Variants in WSCD1 observed in about 807,000 individuals in gnomAD.
WSCD1 encodes WSC domain sialate O sulfotransferase 1.
In WSCD1, 41 loss-of-function variants were observed where a neutral mutation model predicts 60.4. That is an observed-to-expected ratio of 0.68 (90% CI 0.53 to 0.88). WSCD1 has a LOEUF of 0.88. Ranked by LOEUF, WSCD1 falls within the 40% of genes least tolerant of loss-of-function variation. The probability of loss-of-function intolerance (pLI) is 0.00; values close to 1 mark genes in which losing one functional copy is unlikely to be tolerated. For synonymous variants in WSCD1, 361 were observed against 332.5 expected, an observed-to-expected ratio of 1.09 and a Z score of -0.93; for missense variants, 784 against 796.2, an observed-to-expected ratio of 0.98 and a Z score of 0.18.
intron 1 of WSCD1, among the ~76,000 whole-genome samples, chr17:6,074,514 G>A (rs1419381908): frequency 6.6e-6 from 1 of 152,226 alleles, no homozygotes; most frequent in Non-Finnish European, 1.5e-5. Context: ...TGGAAGGAGA[G>A]GTAGGGACAT....
chr17:6,095,313 TC>T (rs1415078118), intron 5 of WSCD1, 90 bp downstream of exon 5: 5 of 1,458,098 alleles, frequency 3.4e-6, no homozygotes, highest in Non-Finnish European at 4.6e-6. Context: ...GCTGCGGGTG[TC>T]CCCTCTGGCA....
intron 7 of WSCD1, among the ~76,000 whole-genome samples, chr17:6,114,641 A>AAG (rs1567561713): frequency 3.3e-5 from 5 of 152,066 alleles, no homozygotes; most frequent in South Asian, 4.2e-4. Context: ...CTTATCATGC[A>AAG]TCAGTTTAAA....
Position 6,072,722 on chromosome 17 carries a change from T to C in WSCD1, c.-289+2070T>C, listed in dbSNP as rs11656416. On this transcript the variant is annotated intron_variant, in intron 1 of 8. Transcript: ENST00000317744. ...TGAGGGAATGAATGTGGCTTTCCGC[T>C]CACCACCTTCTCCCTGGGCCTCCTG... 3.6e-3 allele frequency among the ~76,000 whole-genome samples: 541 copies of C among 152,352 alleles called. 1 individual carries two copies. The highest frequency in any genetic ancestry group is 6.4e-3 in the Non-Finnish European group (436 of 68,030).
In WSCD1 at chr17:6,120,961, C is replaced by CT. The variant is rs1904657698; in HGVS notation, c.*300_*301insT. 2.3e-6 allele frequency: 1 copy of CT among 431,248 alleles called. No individual in the cohort carries two copies. Among genetic ancestry groups the CT allele is most frequent in the East Asian group, 4.1e-5 (1 of 24,152 alleles). 26.7% of individuals were successfully genotyped at this position (431,248 alleles called of 1,614,324 possible). The stretch of plus-strand genomic sequence containing the variant: ...CCACCCACGTGGGGTGTGCCAGGCA[C>CT]CCCCAGATACAAATGCAGCCACGCA... On this transcript the variant is annotated 3_prime_UTR_variant, in exon 9 of 9. Coordinates refer to ENST00000317744, the MANE Select transcript of WSCD1 (RefSeq NM_015253.2).
At chr17:6,078,122 G>T (rs1908985781) in intron 1 of WSCD1, 1 of 152,252 alleles carries the variant, frequency 6.6e-6, no homozygotes, top group Admixed American at 6.5e-5. Flanking sequence ...ATAGGAGCAG[G>T]TTTCTGATGT....
intron 3 of WSCD1, 29 bp from the exon 4 acceptor site, chr17:6,090,292 C>A: frequency 6.5e-7 from 1 of 1,549,710 alleles, no homozygotes; most frequent in South Asian, 1.2e-5. Context: ...GGGCCAAGGT[C>A]CGGACTCACC....
chr17:6,084,865 C>T (rs976610108), intron 2 of WSCD1: 10 of 152,166 alleles, frequency 6.6e-5, no homozygotes, highest in South Asian at 2.1e-4. Flanking sequence ...TCGCCTCTGT[C>T]GGGGAGTTAG....
At chr17:6,094,853 T>TAAGGAAGGAAGGGAGG (rs1567555096) in intron 4 of WSCD1, among the ~76,000 whole-genome samples, 2 of 145,580 alleles carry the variant, frequency 1.4e-5, no homozygotes, top group African/African-American at 2.7e-5. Flanking sequence ...AAGCAAGAGC[T>TAAGGAAGGAAGGGAGG]GAGCGCTGCA....
At chr17:6,089,061 C>T (rs1217007412) in intron 3 of WSCD1, among the ~76,000 whole-genome samples, 6 of 152,182 alleles carry the variant, frequency 3.9e-5, no homozygotes, top group Non-Finnish European at 5.9e-5. Flanking sequence ...GGATTACAGG[C>T]GTGAGCCACC....
At chr17:6,082,096 A>G (rs1375620617) in intron 2 of WSCD1, 1 of 152,242 alleles carries the variant, frequency 6.6e-6, no homozygotes, top group Non-Finnish European at 1.5e-5. Context: ...TTTCCTATGC[A>G]CCTGTAAGTC....
chr17:6,093,366 G>T (rs1028338642), intron 4 of WSCD1, among the ~76,000 whole-genome samples: 1 of 152,218 alleles, frequency 6.6e-6, no homozygotes, highest in African/African-American at 2.4e-5. Flanking sequence ...AGGGCTTGGT[G>T]TGGGGAACAC....
At chr17:6,115,207 G>A (rs569637476) in intron 7 of WSCD1, among the ~76,000 whole-genome samples, 3 of 152,228 alleles carry the variant, frequency 2.0e-5, no homozygotes, top group East Asian at 3.9e-4. Context: ...TCATGAGATC[G>A]TGCCTATTCT....
Position 6,081,085 on chromosome 17 carries a change from G to C in WSCD1, c.427G>C (p.Gly143Arg). ...TGCCAGGCCCGCCATCCACAGCCGA[G>C]GTAGGCGCTCAGCTGCATTTGGGGG... ...EAARPAIHSR[G>R]TYIGCFSDDG... Residue 143 changes from glycine to arginine, a missense_variant and splice_region_variant, in exon 2 of 9, where the codon GGC becomes CGC. Transcript: ENST00000317744. 6.5e-7 allele frequency: 1 copy of C among 1,535,666 alleles called. No homozygotes were observed. Among genetic ancestry groups the C allele is most frequent in the East Asian group, 2.5e-5 (1 of 40,812 alleles).
intron 1 of WSCD1, among the ~76,000 whole-genome samples, chr17:6,076,705 G>T (rs1908885609): frequency 6.6e-6 from 1 of 152,202 alleles, no homozygotes; most frequent in Admixed American, 6.5e-5. Flanking sequence ...CAGCCTGCTG[G>T]CTTTCGGATG....
At chr17:6,069,760 T>A (rs922990167), upstream of WSCD1, among the ~76,000 whole-genome samples, 3 of 147,442 alleles carry the variant, frequency 2.0e-5, no homozygotes, top group Non-Finnish European at 1.5e-5. Context: ...TAGCTCTGCA[T>A]GGGACGGTGA....
At chr17:6,100,968 G>A (rs1910766084) in intron 5 of WSCD1, among the ~76,000 whole-genome samples, 3 of 152,198 alleles carry the variant, frequency 2.0e-5, no homozygotes, top group Non-Finnish European at 4.4e-5. Context: ...TGATGGATGT[G>A]AAATTGTTTG....
intron 8 of WSCD1, among the ~76,000 whole-genome samples, chr17:6,119,913 T>A (rs768128647): frequency 1.1e-4 from 16 of 152,186 alleles, no homozygotes; most frequent in Non-Finnish European, 2.4e-4. Context: ...GCTCATAAAG[T>A]AGATTACCTG....
chr17:6,118,026 A>G lies in WSCD1; in HGVS notation c.1213A>G (p.Thr405Ala), dbSNP rs1302378266. Residue 405 changes from threonine (T) to alanine (A), a missense_variant, in exon 8 of 9, where the codon ACC (threonine) becomes GCC (alanine). By Grantham distance (58) the Thr-to-Ala change is moderately conservative. Transcript: ENST00000317744. This position sits in a 1 kb window ranked among gnomAD's most constrained non-coding sequence, Gnocchi z 5.8. ...AAAGGACCACTGGCGGAGCCGACGC[A>G]CCATCTGTGTCAAAACCCACGAGAG... ...GEKDHWRSRRTICVKTHESGR... is the reference protein window; with the variant it reads ...GEKDHWRSRRAICVKTHESGR... The G allele has an allele frequency of 6.2e-7, 1 of 1,614,086 alleles. No individual in the cohort carries two copies.
At chr17:6,078,742 G>A (rs567544317) in intron 1 of WSCD1, among the ~76,000 whole-genome samples, 1 of 152,250 alleles carries the variant, frequency 6.6e-6, no homozygotes, top group East Asian at 1.9e-4. Context: ...GCTATTGAAC[G>A]GGGTTTTAAG....
Sources: gnomAD v4.1 joint callset for allele counts (sites outside exome capture counted in the v4.1 genomes callset) on GRCh38, gnomAD v4.1.1 for gene constraint, Gnocchi (gnomAD v3.1) non-coding constraint, MANE v1.5 for transcripts, NCBI Gene and HGNC (gene_info 2026-07-23, HGNC 2026-07-21) for gene names.